ARL15: variants seen among roughly 807,000 people sequenced by gnomAD.
The protein encoded by ARL15 is ADP-ribosylation factor-like protein 15.
Under a neutral mutation model 25.2 loss-of-function variants are expected in ARL15, and 19 were observed. The ratio of observed to expected loss-of-function variants is 0.75; its 90% CI spans 0.53 to 1.10. The LOEUF (loss-of-function observed/expected upper bound fraction) is 1.10, where lower values mean the gene tolerates loss of function less well. Among genes scored for constraint, ARL15 ranks in the 50% least tolerant of loss-of-function variants. The pLI is 0.00. For missense variants in ARL15, 220 were observed against 246.0 expected (o/e 0.89, Z 0.71); for synonymous variants, 94 against 86.8 (o/e 1.08, Z -0.46).
intron 1 of ARL15, among the ~76,000 whole-genome samples, chr5:54,239,820 T>C (rs529314644): frequency 2.2e-4 from 34 of 152,128 alleles, no homozygotes; most frequent in African/African-American, 8.2e-4. Context: ...TCCTGGAAGG[T>C]TAGGAATCCC....
intron 4 of ARL15, among the ~76,000 whole-genome samples, chr5:53,965,404 A>G (rs1747520626): frequency 6.6e-6 from 1 of 152,172 alleles, no homozygotes. Context: ...TATTTTAGCA[A>G]TCTTCTGAAA....
chr5:53,966,373 C>G (rs1464709005), intron 4 of ARL15, among the ~76,000 whole-genome samples: 1 of 152,154 alleles, frequency 6.6e-6, no homozygotes, highest in Non-Finnish European at 1.5e-5. Flanking sequence ...TCTCTTCATC[C>G]GTATCCTTTG....
At chr5:54,071,563 C>T (rs1209820705) in intron 4 of ARL15, among the ~76,000 whole-genome samples, 1 of 134,832 alleles carries the variant, frequency 7.4e-6, no homozygotes, top group East Asian at 2.6e-4. Flanking sequence ...AAGTAGGAAA[C>T]CTGGAAGTCT....
intron 4 of ARL15, among the ~76,000 whole-genome samples, chr5:53,970,215 A>G (rs973583669): frequency 1.4e-4 from 22 of 152,194 alleles, no homozygotes; most frequent in African/African-American, 5.3e-4. Context: ...AATAAAAACT[A>G]TGAAACATAA....
At chr5:54,219,562 A>T (rs1756311057) in intron 1 of ARL15, among the ~76,000 whole-genome samples, 1 of 152,208 alleles carries the variant, frequency 6.6e-6, no homozygotes, top group South Asian at 2.1e-4. Context: ...CATACTAATT[A>T]AATACAAGTT....
chr5:54,159,064 A>G (rs277327), intron 2 of ARL15, among the ~76,000 whole-genome samples: 31,821 of 152,020 alleles, frequency 0.21, 4,056 homozygotes, highest in East Asian at 0.68. Context: ...GCACTAATTT[A>G]CTGTCCTCCC....
chr5:54,204,803 G>C (rs1458271648), intron 1 of ARL15, among the ~76,000 whole-genome samples: 2 of 152,164 alleles, frequency 1.3e-5, no homozygotes, highest in Non-Finnish European at 2.9e-5. Context: ...AGCAAACAAA[G>C]CTCATTTAGT....
chr5:53,979,307 T>C (rs1282059581), intron 4 of ARL15, among the ~76,000 whole-genome samples: 1 of 151,916 alleles, frequency 6.6e-6, no homozygotes, highest in Non-Finnish European at 1.5e-5. Flanking sequence ...CCAAGGTGAG[T>C]GGATTGCTTG....
At chr5:54,079,515 A>C (rs1371625161) in intron 4 of ARL15, among the ~76,000 whole-genome samples, 1 of 152,212 alleles carries the variant, frequency 6.6e-6, no homozygotes, top group Non-Finnish European at 1.5e-5. Context: ...AGGAAAATTA[A>C]GATATATTGA....
At chr5:54,109,546 CTATATCAACTTAACTTCTCA>C (rs1293337984) in intron 4 of ARL15, among the ~76,000 whole-genome samples, 1 of 151,950 alleles carries the variant, frequency 6.6e-6, no homozygotes, top group Admixed American at 6.6e-5. Context: ...TTATTGGCTA[CTATATCAACTTAACTTCTCA>C]TAAAACCCTC....
intron 4 of ARL15, among the ~76,000 whole-genome samples, chr5:54,092,468 G>A (rs1487455801): frequency 1.3e-5 from 2 of 151,970 alleles, no homozygotes; most frequent in Admixed American, 1.3e-4. Flanking sequence ...TTTTAAAAAA[G>A]CAAACAAAAA....
chr5:54,263,981 C>T (rs369519600), intron 1 of ARL15, among the ~76,000 whole-genome samples: 4 of 152,172 alleles, frequency 2.6e-5, no homozygotes, highest in East Asian at 1.9e-4. Context: ...TCCATTTTTA[C>T]CTCTACCAAC....
At chr5:54,092,813 A>G (rs1026361293) in intron 4 of ARL15, among the ~76,000 whole-genome samples, 4 of 152,174 alleles carry the variant, frequency 2.6e-5, no homozygotes, top group Non-Finnish European at 1.5e-5. Context: ...ATTCTGCCAA[A>G]TCCTACACTG....
intron 4 of ARL15, among the ~76,000 whole-genome samples, chr5:54,018,350 C>T (rs548506055): frequency 3.3e-5 from 5 of 152,146 alleles, no homozygotes; most frequent in African/African-American, 1.2e-4. Context: ...TATTTTAAAT[C>T]CAAGGATTGC....
intron 4 of ARL15, among the ~76,000 whole-genome samples, chr5:54,026,732 G>A (rs572029828): frequency 2.8e-4 from 42 of 152,270 alleles, no homozygotes; most frequent in Admixed American, 5.2e-4. Flanking sequence ...AATATTGCCT[G>A]AGCCATTATG....
At chr5:54,084,584 T>G (rs1349215721) in intron 4 of ARL15, among the ~76,000 whole-genome samples, 1 of 152,134 alleles carries the variant, frequency 6.6e-6, no homozygotes, top group Non-Finnish European at 1.5e-5. Flanking sequence ...GCCATTGTTT[T>G]TGTACGACCC....
At chr5:53,918,275 T>A (rs1214974545) in intron 4 of ARL15, among the ~76,000 whole-genome samples, 1 of 152,150 alleles carries the variant, frequency 6.6e-6, no homozygotes. Context: ...AAATTTGACA[T>A]CCTGCGCTGA....
rs143786241 is a variant in ARL15, at chr5:54,171,142, G to A, written c.193+642C>T. ...ATTTTGGGCCTGATAACTCTTTGCT[G>A]TGGGGGCTGCCCTGTACATTGAAGG... is the stretch of plus-strand genomic sequence containing the variant. On this transcript the variant is annotated intron_variant, in intron 2 of 4. Coordinates refer to ENST00000504924, the MANE Select transcript of ARL15 (RefSeq NM_019087.3). Among the ~76,000 whole-genome samples the A allele has an allele frequency of 9.0e-4, 137 of 152,270 alleles. 1 individual carries two copies. The highest frequency in any genetic ancestry group is 3.1e-3 in the African/African-American group (127 of 41,536).
intron 4 of ARL15, among the ~76,000 whole-genome samples, chr5:54,083,928 G>C (rs944837976): frequency 6.6e-6 from 1 of 152,052 alleles, no homozygotes; most frequent in Non-Finnish European, 1.5e-5. Flanking sequence ...AGTAGGGAGG[G>C]GGCTGGAGAA....
Sources: allele counts gnomAD v4.1 joint callset (sites outside exome capture counted in the v4.1 genomes callset), GRCh38; gene constraint gnomAD v4.1.1; transcripts MANE v1.5; gene names NCBI Gene and HGNC (gene_info 2026-07-23, HGNC 2026-07-21).